RXFP2: variants seen among roughly 807,000 people sequenced by gnomAD.
The protein encoded by RXFP2 is relaxin family peptide receptor 2.
A neutral mutation model predicts 88.6 loss-of-function variants in RXFP2; 68 were observed. The ratio of observed to expected loss-of-function variants is 0.77; its 90% confidence interval spans 0.63 to 0.94. The LOEUF (loss-of-function observed/expected upper bound fraction) is 0.94. RXFP2 is among the 40% of genes least tolerant of loss of function. The probability of loss-of-function intolerance (pLI) is 0.00; values close to 1 mark genes in which losing one functional copy is unlikely to be tolerated. For synonymous variants in RXFP2, 329 were observed against 306.8 expected (o/e 1.07, Z -0.76); for missense variants, 791 against 893.9 (o/e 0.88, Z 1.47).
intron 1 of RXFP2, among the ~76,000 whole-genome samples, chr13:31,754,427 A>G (rs1186407680): frequency 6.6e-6 from 1 of 152,006 alleles, no homozygotes; most frequent in African/African-American, 2.4e-5. Flanking sequence ...GCTACTGGGG[A>G]GGATGAGACA....
chr13:31,745,988 T>C (rs1323237660), intron 1 of RXFP2, among the ~76,000 whole-genome samples: 1 of 152,194 alleles, frequency 6.6e-6, no homozygotes, highest in Non-Finnish European at 1.5e-5. Context: ...AGCAAACCCA[T>C]GTTCAAGTCA....
chr13:31,745,521 C>T (rs1256942913), intron 1 of RXFP2, among the ~76,000 whole-genome samples: 1 of 152,216 alleles, frequency 6.6e-6, no homozygotes, highest in Non-Finnish European at 1.5e-5. Context: ...TGGCTTCATG[C>T]AGATCCCAGC....
At chr13:31,767,558 G>A (rs895894077) in intron 5 of RXFP2, among the ~76,000 whole-genome samples, 15 of 152,120 alleles carry the variant, frequency 9.9e-5, no homozygotes, top group Admixed American at 7.9e-4. Context: ...AGAGATTTTC[G>A]TTTCAGAATT....
Position 31,765,141 on chromosome 13 carries a change from C to G in RXFP2, c.424C>G (p.Leu142Val). 6.4e-7 allele frequency: 1 copy of G among 1,564,134 alleles called. No individual in the cohort carries two copies. Among genetic ancestry groups the G allele is most frequent in the Non-Finnish European group, 8.8e-7 (1 of 1,134,944 alleles). Reference sequence around the variant, plus strand: ...GATGATTTCTAACAATGTGACATTACTGTGAGTAAAACTTAATTATTGGTG... The same window carrying G: ...GATGATTTCTAACAATGTGACATTAGTGTGAGTAAAACTTAATTATTGGTG... ...VPMISNNVTLLSLKKNKIHSL... is the reference protein window; with the variant it reads ...VPMISNNVTLVSLKKNKIHSL... Residue 142 changes from leucine to valine, a missense_variant and splice_region_variant, in exon 4 of 18, where the codon CTG becomes GTG. Leu to Val is a conservative substitution (Grantham distance 32, BLOSUM62 1). Coordinates refer to ENST00000298386, the MANE Select transcript of RXFP2 (RefSeq NM_130806.5).
At chr13:31,800,934 G>A (rs1874304925) in intron 17 of RXFP2, among the ~76,000 whole-genome samples, 1 of 151,552 alleles carries the variant, frequency 6.6e-6, no homozygotes, top group Non-Finnish European at 1.5e-5. Context: ...TAAAAAATAA[G>A]GACAAGGAAG....
intron 3 of RXFP2, among the ~76,000 whole-genome samples, chr13:31,763,932 G>A (rs965525014): frequency 1.3e-5 from 2 of 152,106 alleles, no homozygotes; most frequent in African/African-American, 4.8e-5. Flanking sequence ...TTTCCAAAAT[G>A]TATACACTAA....
In RXFP2 at chr13:31,802,764, A is replaced by G; in HGVS notation, c.*359A>G. On this transcript the variant is annotated 3_prime_UTR_variant, in exon 18 of 18. Transcript: ENST00000298386. ...CGGGTTGCACTGTCCATGAAATAGAAACACTCACAACATCTGATTCCAGTG... is the reference window on the plus strand; with the variant it reads ...CGGGTTGCACTGTCCATGAAATAGAGACACTCACAACATCTGATTCCAGTG... 4.5e-6 allele frequency: 1 copy of G among 222,276 alleles called. No homozygotes were observed. The highest frequency in any genetic ancestry group is 1.0e-4 in the East Asian group (1 of 9,602). The allele number at this position is 222,276 out of a possible 1,614,324, so 13.8% of individuals were successfully genotyped here. A position where few individuals can be genotyped will look rare whatever the true frequency, so the allele number is the denominator to read the frequency against.
chr13:31,791,748 C>A (rs1593470240), intron 14 of RXFP2, 58 bp from the exon 15 acceptor site: 1 of 1,194,564 alleles, frequency 8.4e-7, no homozygotes, highest in East Asian at 2.3e-5. Flanking sequence ...GATAGGACTG[C>A]AACTGTAGGT....
intron 11 of RXFP2, among the ~76,000 whole-genome samples, chr13:31,784,462 T>G (rs1873431744): frequency 6.6e-6 from 1 of 152,158 alleles, no homozygotes; most frequent in Non-Finnish European, 1.5e-5. Flanking sequence ...ACCCCCAAAG[T>G]CCTTTCCTCC....
chr13:31,746,302 G>T (rs1452278713), intron 1 of RXFP2, among the ~76,000 whole-genome samples: 1 of 152,076 alleles, frequency 6.6e-6, no homozygotes, highest in Non-Finnish European at 1.5e-5. Flanking sequence ...TATATTCTTT[G>T]TATGTATCAG....
At chr13:31,790,375 A>G (rs1261797485) in intron 14 of RXFP2, among the ~76,000 whole-genome samples, 4 of 152,188 alleles carry the variant, frequency 2.6e-5, no homozygotes, top group Admixed American at 6.5e-5. Flanking sequence ...CAGGGACTCC[A>G]GGGAAGGAGA....
At chr13:31,752,214 T>C (rs973885476) in intron 1 of RXFP2, among the ~76,000 whole-genome samples, 2 of 152,294 alleles carry the variant, frequency 1.3e-5, no homozygotes, top group Non-Finnish European at 2.9e-5. Flanking sequence ...AGGCAGCATT[T>C]CCCCAAATCT....
In RXFP2 at chr13:31,802,264, AC is replaced by A; in HGVS notation, c.2125del (p.His709IlefsTer21). The A allele has an allele frequency of 2.5e-6, 4 of 1,614,010 alleles. No homozygotes were observed. Among genetic ancestry groups the A allele is most frequent in the Non-Finnish European group, 3.4e-6 (4 of 1,179,978 alleles). On this transcript the variant is annotated frameshift_variant, in exon 18 of 18. Coordinates refer to ENST00000298386, the MANE Select transcript of RXFP2 (RefSeq NM_130806.5). LOFTEE classifies it high-confidence loss of function. ...KDKLKQLLHKHQRKSIFKIKK... is the reference protein window; with the variant it reads ...KDKLKQLLHKXQRKSIFKIKK... ...ACAAGTTGAAACAGCTGCTGCACAA[AC>A]ATCAGAGGAAATCAATTTTCAAAAT...
At chr13:31,786,724 C>T (rs937014118) in intron 13 of RXFP2, 87 bp downstream of exon 13, 9 of 800,114 alleles carry the variant, frequency 1.1e-5, no homozygotes, top group Admixed American at 4.0e-5. Context: ...ATTTTGCACA[C>T]AGGAGCATGC....
intron 5 of RXFP2, among the ~76,000 whole-genome samples, chr13:31,773,890 A>G (rs1243829292): frequency 1.3e-5 from 2 of 152,240 alleles, no homozygotes; most frequent in Non-Finnish European, 2.9e-5. Flanking sequence ...TACTATTAGT[A>G]TAGTTATTTC....
intron 1 of RXFP2, among the ~76,000 whole-genome samples, chr13:31,757,382 A>G (rs1229359474): frequency 6.6e-6 from 1 of 152,186 alleles, no homozygotes; most frequent in Non-Finnish European, 1.5e-5. Flanking sequence ...TATCGCCCAT[A>G]CATAGGCTGG....
chr13:31,755,983 C>A (rs1410918422), intron 1 of RXFP2, among the ~76,000 whole-genome samples: 1 of 152,220 alleles, frequency 6.6e-6, no homozygotes, highest in Admixed American at 6.5e-5. Flanking sequence ...ACCCGGCTGA[C>A]CCCAGAGAGG....
intron 1 of RXFP2, among the ~76,000 whole-genome samples, chr13:31,740,391 A>C (rs1028797548): frequency 2.0e-5 from 3 of 152,112 alleles, no homozygotes; most frequent in African/African-American, 7.2e-5. Flanking sequence ...CTATACATTC[A>C]TAAACAACCT....
At chr13:31,776,476 G>T (rs1872990006) in intron 7 of RXFP2, among the ~76,000 whole-genome samples, 1 of 151,710 alleles carries the variant, frequency 6.6e-6, no homozygotes, top group Non-Finnish European at 1.5e-5. Context: ...GCCCAGGATG[G>T]TCTCCAACTC....
Sources: allele counts gnomAD v4.1 joint callset (sites outside exome capture counted in the v4.1 genomes callset), GRCh38; gene constraint gnomAD v4.1.1; transcripts MANE v1.5; gene names NCBI Gene and HGNC (gene_info 2026-07-23, HGNC 2026-07-21).